TPH2: variants seen among roughly 807,000 people sequenced by gnomAD.
The protein encoded by TPH2 is tryptophan hydroxylase 2, also known as tryptophan 5-hydroxylase 2.
TPH2 carries 27 observed loss-of-function variants against 59.1 expected under a neutral mutation model. The ratio of observed to expected loss-of-function variants is 0.46; its 90% CI spans 0.34 to 0.63. The LOEUF (loss-of-function observed/expected upper bound fraction) is 0.63, where lower values mean the gene tolerates loss of function less well. Ranked by LOEUF, TPH2 falls within the 30% of genes least tolerant of loss-of-function variation. The pLI is 0.01. For synonymous variants in TPH2, 220 were observed against 210.5 expected (o/e 1.05, Z -0.39); for missense variants, 523 against 588.3 (o/e 0.89, Z 1.15).
chr12:71,944,855 G>A (rs1871160574), intron 4 of TPH2, among the ~76,000 whole-genome samples, 169 bp downstream of exon 4: 1 of 152,168 alleles, frequency 6.6e-6, no homozygotes, highest in South Asian at 2.1e-4. Flanking sequence ...TACACGTGTT[G>A]ACTGGAAGCG....
intron 8 of TPH2, among the ~76,000 whole-genome samples, chr12:72,019,352 T>A (rs1873348071): frequency 6.6e-6 from 1 of 152,196 alleles, no homozygotes; most frequent in Non-Finnish European, 1.5e-5. Context: ...ATCTTTCTCC[T>A]GCCTAAAACC....
intron 8 of TPH2, among the ~76,000 whole-genome samples, chr12:72,008,785 G>T (rs545916018): frequency 2.0e-5 from 3 of 152,108 alleles, no homozygotes; most frequent in African/African-American, 7.2e-5. Context: ...TAGGGTGTTA[G>T]GGTAAGTTGT....
At chr12:72,004,048 G>A (rs901535071) in intron 8 of TPH2, among the ~76,000 whole-genome samples, 2 of 138,904 alleles carry the variant, frequency 1.4e-5, no homozygotes. Context: ...TTTTATCCAT[G>A]CAGAAGCACC....
intron 8 of TPH2, among the ~76,000 whole-genome samples, chr12:72,014,812 T>G (rs1050576176): frequency 1.3e-5 from 2 of 152,160 alleles, no homozygotes; most frequent in Admixed American, 6.5e-5. Context: ...TTTAAATGAT[T>G]GAAGAAACAA....
At chr12:71,978,621 G>A (rs11179024) in intron 6 of TPH2, among the ~76,000 whole-genome samples, 9,235 of 152,134 alleles carry the variant, frequency 0.061, 418 homozygotes, top group South Asian at 0.17. Flanking sequence ...GGTAATGTGC[G>A]GTAAGCATCA....
chr12:71,947,704 G>C (rs141090925), intron 4 of TPH2, among the ~76,000 whole-genome samples: 3 of 152,098 alleles, frequency 2.0e-5, no homozygotes, highest in African/African-American at 7.2e-5. Context: ...TGCAGCTAGC[G>C]TCCCTAGTTT....
intron 8 of TPH2, among the ~76,000 whole-genome samples, chr12:72,007,746 C>CTT (rs529009995): frequency 2.5e-4 from 36 of 146,616 alleles, no homozygotes; most frequent in African/African-American, 8.2e-4. Context: ...CTCACAAAAA[C>CTT]TTTTTTTTTT....
At chr12:72,021,316 A>G (rs1873408245) in intron 8 of TPH2, among the ~76,000 whole-genome samples, 1 of 150,788 alleles carries the variant, frequency 6.6e-6, no homozygotes, top group South Asian at 2.1e-4. Context: ...TGTCCTGGGG[A>G]AGTTGTAGTA....
Position 71,979,051 on chromosome 12 carries a change from T to A in TPH2, c.905T>A (p.Ile302Asn). The A allele has an allele frequency of 1.2e-6, 2 of 1,614,168 alleles. No individual in the cohort carries two copies. The highest frequency in any genetic ancestry group is 1.7e-6 in the Non-Finnish European group (2 of 1,180,014). ...AGAGTGTTCCACTGTACCCAGTACA[T>A]CCGGCATGGCTCAGATCCCCTCTAC... ...AYRVFHCTQY[I>N]RHGSDPLYTP... Residue 302 changes from isoleucine (I) to asparagine (N), a missense_variant, in exon 7 of 11, where the codon ATC becomes AAC. Coordinates refer to ENST00000333850, the MANE Select transcript of TPH2 (RefSeq NM_173353.4).
chr12:71,981,978 C>T (rs1378621279), intron 7 of TPH2, among the ~76,000 whole-genome samples: 1 of 127,796 alleles, frequency 7.8e-6, no homozygotes, highest in Non-Finnish European at 1.7e-5. Flanking sequence ...GTTGTTTTTA[C>T]AAGCCCTTTA....
intron 7 of TPH2, among the ~76,000 whole-genome samples, chr12:71,982,522 A>G (rs1401571868): frequency 1.3e-5 from 2 of 152,194 alleles, no homozygotes; most frequent in South Asian, 2.1e-4. Context: ...TAATCCTTGT[A>G]TATTGCAAAG....
At chr12:72,009,581 T>C (rs111375406) in intron 8 of TPH2, among the ~76,000 whole-genome samples, 1,857 of 152,354 alleles carry the variant, frequency 0.012, 35 homozygotes, top group African/African-American at 0.04. Flanking sequence ...GCAGTGCTAG[T>C]TGGAGTGCCA....
intron 8 of TPH2, among the ~76,000 whole-genome samples, chr12:72,013,123 C>G (rs1873144712): frequency 6.6e-6 from 1 of 152,084 alleles, no homozygotes; most frequent in Non-Finnish European, 1.5e-5. Context: ...ACGGATGTCC[C>G]TCTTATATTT....
At chr12:71,962,392 A>G (rs758861278) in intron 5 of TPH2, 16 of 985,334 alleles carry the variant, frequency 1.6e-5, no homozygotes, top group South Asian at 4.7e-5. Flanking sequence ...TTGGGTTTAC[A>G]TATGCTGCTT....
At chr12:72,024,638 G>T (rs550467141) in intron 9 of TPH2, among the ~76,000 whole-genome samples, 9 of 152,250 alleles carry the variant, frequency 5.9e-5, no homozygotes, top group South Asian at 4.1e-4. Flanking sequence ...CTCCTCAGAC[G>T]GTTTATAAGT....
In TPH2 at chr12:71,944,608, C is replaced by T. The variant is rs142980370; in HGVS notation, c.462C>T (p.Phe154=). Residue 154 remains phenylalanine, a synonymous_variant, in exon 4 of 11, where the codon TTC becomes TTT. Coordinates refer to ENST00000333850, the MANE Select transcript of TPH2 (RefSeq NM_173353.4). ...CAGAGCTAGAGGATGTGCCCTGGTTCCCTCGGAAGATCTCTGAGTTAGACA... is the reference window on the plus strand; with the variant it reads ...CAGAGCTAGAGGATGTGCCCTGGTTTCCTCGGAAGATCTCTGAGTTAGACA... ...EEEELEDVPW[F]PRKISELDKC... 1.8e-5 allele frequency: 29 copies of T among 1,613,758 alleles called. No homozygotes were observed. Among genetic ancestry groups the T allele is most frequent in the Non-Finnish European group, 2.3e-5 (27 of 1,179,836 alleles).
chr12:71,954,367 G>T (rs558448362), intron 5 of TPH2, among the ~76,000 whole-genome samples: 1 of 152,296 alleles, frequency 6.6e-6, no homozygotes, highest in Admixed American at 6.5e-5. Flanking sequence ...ATTCTTCATA[G>T]AAGATCTGAG....
chr12:71,978,335 A>G (rs759505727), intron 6 of TPH2, among the ~76,000 whole-genome samples: 2 of 152,180 alleles, frequency 1.3e-5, no homozygotes, highest in Non-Finnish European at 2.9e-5. Flanking sequence ...AATTAGTGGT[A>G]TAGGGCAGGT....
Position 72,032,027 on chromosome 12 carries a change from T to G in TPH2, c.*332T>G. The G allele has an allele frequency of 6.1e-6, 2 of 330,398 alleles. No individual in the cohort carries two copies. Among genetic ancestry groups the G allele is most frequent in the East Asian group, 1.4e-4 (2 of 14,378 alleles). 20.5% of individuals were successfully genotyped at this position (330,398 alleles called of 1,614,324 possible). On this transcript the variant is annotated 3_prime_UTR_variant, in exon 11 of 11. Transcript: ENST00000333850. ...ATGAGTCTCATTTATGCCCTTTTCT[T>G]TTTCAGATCTAAGCCTTTCCTCTGT...
Sources: gnomAD v4.1 joint callset for allele counts (sites outside exome capture counted in the v4.1 genomes callset) on GRCh38, gnomAD v4.1.1 for gene constraint, MANE v1.5 for transcripts, NCBI Gene and HGNC (gene_info 2026-07-23, HGNC 2026-07-21) for gene names.